The following SMU1 variants were observed in gnomAD, a reference collection of about 807,000 sequenced individuals.
The protein encoded by SMU1 is SMU1 DNA replication regulator and spliceosomal factor, also known as WD40 repeat-containing protein SMU1.
Under a neutral mutation model 62.0 loss-of-function variants are expected in SMU1, and 2 were observed. The observed-to-expected ratio is 0.03, with a 90% confidence interval of 0.01 to 0.10. The LOEUF is 0.10. SMU1 is among the 10% of genes least tolerant of loss of function. The pLI is 1.00. For missense variants in SMU1, 227 were observed against 622.1 expected (o/e 0.36, Z 6.76); for synonymous variants, 188 against 212.4 (o/e 0.89, Z 1.00).
At chr9:33,048,007 G>A in intron 11 of SMU1, 99 bp downstream of exon 11, 1 of 1,055,974 alleles carries the variant, frequency 9.5e-7, no homozygotes, top group Non-Finnish European at 1.4e-6. Flanking sequence ...TTATACTGAG[G>A]GTCACATCGA....
At chr9:33,056,029 C>A in intron 9 of SMU1, 84 bp downstream of exon 9, 1 of 1,378,458 alleles carries the variant, frequency 7.3e-7, no homozygotes, top group Non-Finnish European at 9.9e-7. Flanking sequence ...ACAGCACAAT[C>A]ATTCCCATTA....
At chr9:33,076,454 T>C in intron 1 of SMU1, 129 bp downstream of exon 1, 1 of 1,158,488 alleles carries the variant, frequency 8.6e-7, no homozygotes, top group Non-Finnish European at 1.3e-6. Flanking sequence ...CCAAGATGCT[T>C]CTTTGGGGGC....
Position 33,075,325 on chromosome 9 carries a change from G to A in SMU1, c.26+1258C>T, listed in dbSNP as rs967033141. ...GTGGGAGGCGGTGCTTGCAGTGAGC[G>A]GAGATCGCGCCACTGCATTCCAGCC... On this transcript the variant is annotated intron_variant, in intron 1 of 11. Transcript: ENST00000397149. Among the ~76,000 whole-genome samples, 38 of 152,052 alleles carry A rather than the reference G, an allele frequency of 2.5e-4. 1 individual carries two copies. The highest frequency in any genetic ancestry group is 1.5e-5 in the Non-Finnish European group (1 of 67,984).
Position 33,047,188 on chromosome 9 carries a change from A to C in SMU1, c.*105T>G, listed in dbSNP as rs1021905314. The stretch of plus-strand genomic sequence containing the variant: ...AAATTATTCTGTGACTAATTCAGAC[A>C]ATCTATTTGCTTAGAAAAGCTGGCA... On this transcript the variant is annotated 3_prime_UTR_variant, in exon 12 of 12. Coordinates refer to ENST00000397149, the MANE Select transcript of SMU1 (RefSeq NM_018225.3). The C allele has an allele frequency of 3.0e-6, 2 of 664,028 alleles. No homozygotes were observed. Among genetic ancestry groups the C allele is most frequent in the Non-Finnish European group, 2.5e-6 (1 of 392,158 alleles). 41.1% of individuals were successfully genotyped at this position (664,028 alleles called of 1,614,324 possible). A position where few individuals can be genotyped will look rare whatever the true frequency, so the allele number is the denominator to read the frequency against.
At position 33,043,928 on chromosome 9, in the gene SMU1, G is replaced by A. The variant is rs577285065; in HGVS notation, c.*3365C>T. 41 of 145,772 alleles carry A rather than the reference G, an allele frequency of 2.8e-4. No individual in the cohort carries two copies. The highest frequency in any genetic ancestry group is 1.0e-3 in the African/African-American group (40 of 39,272). The allele number at this position is 145,772 out of a possible 1,614,324, so 9.0% of individuals were successfully genotyped here. A position where few individuals can be genotyped will look rare whatever the true frequency, so the allele number is the denominator to read the frequency against. On this transcript the variant is annotated 3_prime_UTR_variant, in exon 12 of 12. Transcript: ENST00000397149. ...GCCGTTAGTGGTAGTAATAATACAT[G>A]CTGAAAAAAAACAACTGGTGAAGAA...
At position 33,057,720 on chromosome 9, in the gene SMU1, G is replaced by A; in HGVS notation, c.751-6C>T. ...TGGGCCTGGTACTTAAGATCCTAAA[G>A]AAACAATGGTTAGCAGTTATCAAAA... On this transcript the variant is annotated splice_polypyrimidine_tract_variant and splice_region_variant and intron_variant, in intron 6 of 11. Transcript: ENST00000397149. The A allele has an allele frequency of 6.2e-7, 1 of 1,613,436 alleles. No homozygotes were observed. The highest frequency in any genetic ancestry group is 8.5e-7 in the Non-Finnish European group (1 of 1,179,884).
chr9:33,074,622 A>G (rs1316098260), intron 1 of SMU1, among the ~76,000 whole-genome samples: 1 of 152,130 alleles, frequency 6.6e-6, no homozygotes, highest in Non-Finnish European at 1.5e-5. Context: ...AAAAATAAAT[A>G]AAATAAAACC....
intron 7 of SMU1, 43 bp from the exon 8 acceptor site, chr9:33,057,007 G>C: frequency 6.3e-7 from 1 of 1,583,394 alleles, no homozygotes; most frequent in Non-Finnish European, 8.5e-7. Context: ...ACCTTGTTAA[G>C]TGTCCTACTA....
chr9:33,051,949 G>A lies in SMU1; in HGVS notation c.1290+1174C>T, dbSNP rs953400290. Among the ~76,000 whole-genome samples, 4 of 151,298 alleles carry A rather than the reference G, an allele frequency of 2.6e-5. No homozygotes were observed. In the East Asian group the frequency reaches 7.8e-4, roughly 30 times the overall value. Reference sequence around the variant, plus strand: ...GGAGAATCGCTTGAACCCGGCAGGCGGAGGTTACAGTGAGCCGAGATCACG... The same window carrying A: ...GGAGAATCGCTTGAACCCGGCAGGCAGAGGTTACAGTGAGCCGAGATCACG... On this transcript the variant is annotated intron_variant, in intron 10 of 11. Transcript: ENST00000397149.
At chr9:33,055,653 C>T (rs1248697651) in intron 9 of SMU1, among the ~76,000 whole-genome samples, 1 of 152,162 alleles carries the variant, frequency 6.6e-6, no homozygotes, top group East Asian at 1.9e-4. Context: ...TTACTCAACA[C>T]CTCTCCTATT....
At chr9:33,072,892 T>C (rs1475330130) in intron 2 of SMU1, among the ~76,000 whole-genome samples, 1 of 152,000 alleles carries the variant, frequency 6.6e-6, no homozygotes, top group Non-Finnish European at 1.5e-5. Context: ...TACTTTTACT[T>C]CAAATTACAA....
chr9:33,072,003 A>G (rs1839492395), intron 2 of SMU1, 111 bp from the exon 3 acceptor site: 2 of 1,136,226 alleles, frequency 1.8e-6, no homozygotes, highest in African/African-American at 1.6e-5. Context: ...AGGATTTCCA[A>G]TACCAGGAAG....
chr9:33,076,093 G>A (rs1456835097), intron 1 of SMU1, among the ~76,000 whole-genome samples: 2 of 152,186 alleles, frequency 1.3e-5, no homozygotes, highest in Non-Finnish European at 2.9e-5. Context: ...CCTAGGCACC[G>A]ACAAAGGCTA....
rs988223336 is a variant in SMU1, at chr9:33,043,218, G to C, written c.*4075C>G. The C allele has an allele frequency of 2.0e-5, 3 of 152,172 alleles. No homozygotes were observed. Among genetic ancestry groups the C allele is most frequent in the Non-Finnish European group, 2.9e-5 (2 of 68,034 alleles). The allele number at this position is 152,172 out of a possible 1,614,324, so 9.4% of individuals were successfully genotyped here. ...AGCAATTTCTTCTCTTAAAATAGTGGAAAATGAAGCTGTAAAAGCACAGTG... is the reference window on the plus strand; with the variant it reads ...AGCAATTTCTTCTCTTAAAATAGTGCAAAATGAAGCTGTAAAAGCACAGTG... On this transcript the variant is annotated 3_prime_UTR_variant, in exon 12 of 12. Transcript: ENST00000397149.
intron 4 of SMU1, among the ~76,000 whole-genome samples, chr9:33,062,419 T>C (rs1839373099): frequency 6.6e-6 from 1 of 152,142 alleles, no homozygotes; most frequent in Non-Finnish European, 1.5e-5. Context: ...ACCTATTTTC[T>C]TACAGGAGTG....
rs147701026 is a variant in SMU1, at chr9:33,075,037, T to C, written c.27-1231A>G. Among the ~76,000 whole-genome samples the C allele has an allele frequency of 4.6e-3, 700 of 152,252 alleles. 6 individuals are homozygous for C. Among genetic ancestry groups the C allele is most frequent in the African/African-American group, 0.016 (654 of 41,554 alleles). ...ATCCATCCACCTCAGCTTCCCAAAG[T>C]GTTGAGATGACAGGTGTGAGCCACC... On this transcript the variant is annotated intron_variant, in intron 1 of 11. Transcript: ENST00000397149.
At chr9:33,048,333 A>T in intron 10 of SMU1, 75 bp from the exon 11 acceptor site, 1 of 1,559,946 alleles carries the variant, frequency 6.4e-7, no homozygotes, top group East Asian at 2.3e-5. Flanking sequence ...TTTTAAACTG[A>T]CATTTTTACG....
At position 33,045,164 on chromosome 9, in the gene SMU1, A is replaced by G. The variant is rs1270786160; in HGVS notation, c.*2129T>C. The G allele has an allele frequency of 6.6e-6, 1 of 152,196 alleles. No individual in the cohort carries two copies. The highest frequency in any genetic ancestry group is 2.4e-5 in the African/African-American group (1 of 41,450). The allele number at this position is 152,196 out of a possible 1,614,324, so 9.4% of individuals were successfully genotyped here. A position where few individuals can be genotyped will look rare whatever the true frequency, so the allele number is the denominator to read the frequency against. On this transcript the variant is annotated 3_prime_UTR_variant, in exon 12 of 12. Coordinates refer to ENST00000397149, the MANE Select transcript of SMU1 (RefSeq NM_018225.3). ...ATAAACGGTGATACAAACTATGCAC[A>G]TCATAACTACCAGCTTCATGAGGTC... is the stretch of plus-strand genomic sequence containing the variant.
In SMU1 at chr9:33,045,524, C is replaced by T. The variant is rs561029095; in HGVS notation, c.*1769G>A. On this transcript the variant is annotated 3_prime_UTR_variant, in exon 12 of 12. Transcript: ENST00000397149. ...CATTACTACGTGCCACATATAGGAT[C>T]ATACTGCATTTCAGGTCACCATCAA... 6.6e-6 allele frequency: 1 copy of T among 152,284 alleles called. No homozygotes were observed. Among genetic ancestry groups the T allele is most frequent in the Non-Finnish European group, 1.5e-5 (1 of 68,088 alleles). The allele number at this position is 152,284 out of a possible 1,614,324, so 9.4% of individuals were successfully genotyped here.
Sources: allele counts gnomAD v4.1 joint callset (sites outside exome capture counted in the v4.1 genomes callset), GRCh38; gene constraint gnomAD v4.1.1; transcripts MANE v1.5; gene names NCBI Gene and HGNC (gene_info 2026-07-23, HGNC 2026-07-21).